The following DLGAP2 variants were observed in gnomAD, a reference collection of about 807,000 sequenced individuals.
DLGAP2 encodes the protein disks large-associated protein 2.
In DLGAP2, 26 loss-of-function variants were observed where a neutral mutation model predicts 100.3. That is an observed-to-expected ratio of 0.26 (90% CI 0.19 to 0.36). DLGAP2 has a LOEUF of 0.36. Among genes scored for constraint, DLGAP2 ranks in the 10% least tolerant of loss-of-function variants. The probability of loss-of-function intolerance (pLI) is 1.00; values close to 1 mark genes in which losing one functional copy is unlikely to be tolerated. For synonymous variants in DLGAP2, 886 were observed against 630.1 expected (o/e 1.41, Z -6.08); for missense variants, 1,858 against 1,453.2 (o/e 1.28, Z -4.53).
intron 10 of DLGAP2, 35 bp downstream of exon 10, chr8:1,669,819 C>G: frequency 1.3e-6 from 1 of 780,914 alleles, no homozygotes. Flanking sequence ...GCCGCGTCCG[C>G]ATGACTTTCA....
At chr8:770,722 AG>A (rs2132606235) in intron 1 of DLGAP2, among the ~76,000 whole-genome samples, 1 of 152,266 alleles carries the variant, frequency 6.6e-6, no homozygotes, top group East Asian at 1.9e-4. Context: ...GAACAGGTTC[AG>A]GGGGTTATGC....
chr8:884,665 A>G lies in DLGAP2; in HGVS notation c.19-23247A>G, dbSNP rs553582533. 1.7e-4 allele frequency among the ~76,000 whole-genome samples: 26 copies of G among 152,152 alleles called. No homozygotes were observed. In the South Asian group the frequency reaches 5.0e-3, roughly 29 times the overall value. ...ATCCCATTTGCCAATTTTGGCTTTT[A>G]TTGCCACTGCTTTTGGCATTTTTCA... On this transcript the variant is annotated intron_variant, in intron 1 of 14. Coordinates refer to ENST00000637795, the MANE Select transcript of DLGAP2 (RefSeq NM_001346810.2).
chr8:962,909 T>A (rs1042332368), intron 2 of DLGAP2, among the ~76,000 whole-genome samples: 1 of 152,158 alleles, frequency 6.6e-6, no homozygotes, highest in Non-Finnish European at 1.5e-5. Context: ...CGTGCCTCCC[T>A]CCATGCTGAG....
At chr8:1,555,134 C>G (rs1801916919) in intron 5 of DLGAP2, among the ~76,000 whole-genome samples, 1 of 152,066 alleles carries the variant, frequency 6.6e-6, no homozygotes, top group Non-Finnish European at 1.5e-5. Flanking sequence ...CACTTCCAAT[C>G]CCGTAGTGGA....
intron 2 of DLGAP2, among the ~76,000 whole-genome samples, chr8:1,028,709 G>A (rs1801889320): frequency 6.6e-6 from 1 of 152,236 alleles, no homozygotes; most frequent in Non-Finnish European, 1.5e-5. Context: ...GTGGAGTTAA[G>A]ATGGGTCACT....
chr8:1,651,025 A>G (rs952129146), intron 8 of DLGAP2, among the ~76,000 whole-genome samples: 13 of 152,206 alleles, frequency 8.5e-5, no homozygotes, highest in African/African-American at 2.9e-4. Flanking sequence ...ACCCCTGCTC[A>G]GCGGAATTTT....
chr8:929,999 C>G (rs1416369215), intron 2 of DLGAP2, among the ~76,000 whole-genome samples: 1 of 151,898 alleles, frequency 6.6e-6, no homozygotes, highest in African/African-American at 2.4e-5. Context: ...TGTTGTGTCT[C>G]TGGGAGGAGT....
chr8:900,591 C>T (rs568322546), intron 1 of DLGAP2, among the ~76,000 whole-genome samples: 5 of 152,302 alleles, frequency 3.3e-5, no homozygotes, highest in Admixed American at 1.3e-4. Flanking sequence ...GAATTTCCCC[C>T]GGTTCAGCAC....
In DLGAP2 at chr8:1,381,125, A is replaced by G. The variant is rs571527133; in HGVS notation, c.107-120241A>G. 7 of 152,260 alleles carry G rather than the reference A, an allele frequency of 4.6e-5. No homozygotes were observed. In the East Asian group the frequency reaches 1.4e-3, roughly 29 times the overall value. The allele number at this position is 152,260 out of a possible 1,614,324, so 9.4% of individuals were successfully genotyped here. ...GCATGGTGAGGAGTTGCTGTTCGTA[A>G]CCGACGGAAAAGGCTTCATACGTGA... On this transcript the variant is annotated intron_variant, in intron 3 of 14. Transcript: ENST00000637795.
chr8:763,292 G>A (rs929082697), intron 1 of DLGAP2, among the ~76,000 whole-genome samples: 16 of 152,190 alleles, frequency 1.1e-4, no homozygotes, highest in Non-Finnish European at 8.8e-5. Flanking sequence ...TGCTTGTTAA[G>A]GACGCACATC....
Position 1,501,417 on chromosome 8 carries a change from C to G in DLGAP2, c.158C>G (p.Ala53Gly). 6.5e-7 allele frequency: 1 copy of G among 1,535,724 alleles called. No individual in the cohort carries two copies. Among genetic ancestry groups the G allele is most frequent in the Middle Eastern group, 1.7e-4 (1 of 5,984 alleles). ...CCGGGCATCAGCTTTCCGGGGCCGG[C>G]AGAGGAGGATCTAGGTAGAGTACAG... ...VQPGISFPGP[A>G]EEDLDPQYSW... Residue 53 changes from alanine to glycine, a missense_variant, in exon 4 of 15, where the codon GCA becomes GGA. Coordinates refer to ENST00000637795, the MANE Select transcript of DLGAP2 (RefSeq NM_001346810.2).
intron 6 of DLGAP2, among the ~76,000 whole-genome samples, chr8:1,581,732 AT>A (rs1328076939): frequency 3.9e-5 from 6 of 152,228 alleles, no homozygotes; most frequent in African/African-American, 1.2e-4. Flanking sequence ...AAGGATACAG[AT>A]AAAACCCCAC....
At chr8:777,938 A>G (rs994938181) in intron 1 of DLGAP2, among the ~76,000 whole-genome samples, 1 of 152,154 alleles carries the variant, frequency 6.6e-6, no homozygotes, top group African/African-American at 2.4e-5. Flanking sequence ...AATATCCTGC[A>G]GAGTGTTTTC....
At chr8:759,433 C>T (rs1434854672) in intron 1 of DLGAP2, among the ~76,000 whole-genome samples, 2 of 149,834 alleles carry the variant, frequency 1.3e-5, no homozygotes, top group Non-Finnish European at 3.0e-5. Context: ...GGTTGGGACA[C>T]GTTCCCGGGG....
chr8:1,077,248 C>T (rs946450430), intron 2 of DLGAP2, among the ~76,000 whole-genome samples: 31 of 152,190 alleles, frequency 2.0e-4, no homozygotes, highest in African/African-American at 6.8e-4. Context: ...CACCTTACCT[C>T]GTCACCTCTG....
At chr8:1,255,785 CTCA>C (rs1226176015) in intron 2 of DLGAP2, among the ~76,000 whole-genome samples, 19 of 140,122 alleles carry the variant, frequency 1.4e-4, no homozygotes, top group East Asian at 6.8e-4. Context: ...TGTGTGTCCT[CTCA>C]TCCTGCCTGG....
intron 3 of DLGAP2, among the ~76,000 whole-genome samples, chr8:1,482,009 G>A (rs1799113507): frequency 6.6e-6 from 1 of 152,216 alleles, no homozygotes; most frequent in Non-Finnish European, 1.5e-5. Context: ...TGTGGAACCA[G>A]GTCTGTGTTC....
chr8:1,639,622 G>T (rs1431541459), intron 8 of DLGAP2, among the ~76,000 whole-genome samples: 1 of 133,202 alleles, frequency 7.5e-6, no homozygotes, highest in Non-Finnish European at 1.6e-5. Flanking sequence ...TGTAAAAATG[G>T]TCACAAGCCC....
intron 2 of DLGAP2, among the ~76,000 whole-genome samples, chr8:1,223,409 T>C (rs1266170997): frequency 2.0e-5 from 3 of 152,184 alleles, no homozygotes; most frequent in Admixed American, 1.3e-4. Context: ...AAAGAGTGAC[T>C]ACTGTTCAGG....
Sources: allele counts gnomAD v4.1 joint callset (sites outside exome capture counted in the v4.1 genomes callset), GRCh38; gene constraint gnomAD v4.1.1; transcripts MANE v1.5; gene names NCBI Gene and HGNC (gene_info 2026-07-23, HGNC 2026-07-21).